IFI16: variants seen among roughly 807,000 people sequenced by gnomAD.
IFI16 encodes the protein gamma-interferon-inducible protein 16.
In IFI16, 49 loss-of-function variants were observed where a neutral mutation model predicts 68.4. The observed-to-expected ratio is 0.72, with a 90% CI of 0.57 to 0.91. The LOEUF is 0.91. Among genes scored for constraint, IFI16 ranks in the 40% least tolerant of loss-of-function variants. The probability of loss-of-function intolerance (pLI) is 0.00; values close to 1 mark genes in which losing one functional copy is unlikely to be tolerated. For missense variants in IFI16, 878 were observed against 942.9 expected (o/e 0.93, Z 0.90); for synonymous variants, 307 against 315.0 (o/e 0.97, Z 0.27).
At chr1:159,037,075 A>T (rs1421753612) in intron 7 of IFI16, among the ~76,000 whole-genome samples, 1 of 152,216 alleles carries the variant, frequency 6.6e-6, no homozygotes, top group Admixed American at 6.5e-5. Flanking sequence ...TGAAGTCATT[A>T]TCTGCTCTGA....
upstream of IFI16, among the ~76,000 whole-genome samples, chr1:159,005,244 C>G (rs1208101388): frequency 6.6e-6 from 1 of 152,162 alleles, no homozygotes; most frequent in Non-Finnish European, 1.5e-5. Context: ...CTATAGTATT[C>G]CATTACAGCA....
chr1:159,007,569 G>A (rs1024694669), upstream of IFI16, among the ~76,000 whole-genome samples: 1 of 151,838 alleles, frequency 6.6e-6, no homozygotes, highest in Non-Finnish European at 1.5e-5. Context: ...ACTGGATTAT[G>A]TTATCTAAAT....
In IFI16 at chr1:159,032,498, A is replaced by C. The variant is rs761059377; in HGVS notation, c.1162-26A>C. 6.4e-5 allele frequency: 94 copies of C among 1,475,086 alleles called. No homozygotes were observed. In the Middle Eastern group the frequency reaches 7.1e-4, roughly 11 times the overall value. 91.4% of individuals were successfully genotyped at this position (1,475,086 alleles called of 1,614,324 possible). The stretch of plus-strand genomic sequence containing the variant: ...TGTGCTTCCTCTAATATTGAAAACC[A>C]TTAAACAGAAAATGAATACTTTCAG... On this transcript the variant is annotated intron_variant, in intron 6 of 11. Transcript: ENST00000295809.
chr1:159,019,347 G>A (rs10908699), intron 5 of IFI16, among the ~76,000 whole-genome samples: 4 of 151,412 alleles, frequency 2.6e-5, no homozygotes, highest in East Asian at 1.9e-4. Flanking sequence ...ATTCCACCCC[G>A]CAAAAAAGCA....
upstream of IFI16, among the ~76,000 whole-genome samples, chr1:159,007,056 G>A (rs959409049): frequency 2.0e-5 from 3 of 152,110 alleles, no homozygotes; most frequent in Non-Finnish European, 4.4e-5. Context: ...AAGTATTGGG[G>A]AAAAGGAAAC....
chr1:159,049,358 A>T, intron 8 of IFI16, 74 bp from the exon 9 acceptor site: 8 of 752,294 alleles, frequency 1.1e-5, no homozygotes, highest in Non-Finnish European at 1.7e-5. Context: ...AAAAGAAAAA[A>T]GGAAAAGATG....
Position 159,044,674 on chromosome 1 carries a change from G to A in IFI16, c.1330-623G>A, listed in dbSNP as rs543379936. ...TATTCCCCAATTTTACTTGAAAAAT[G>A]TATAAAAATATAGCTAATGGGAATG... On this transcript the variant is annotated intron_variant, in intron 7 of 11. Coordinates refer to ENST00000295809, the MANE Select transcript of IFI16 (RefSeq NM_001376587.1). Among the ~76,000 whole-genome samples the A allele has an allele frequency of 1.9e-4, 29 of 152,272 alleles. 1 individual carries two copies. The South Asian group carries it at 5.8e-3, about 30-fold the overall frequency.
At chr1:159,044,575 G>A (rs933590382) in intron 7 of IFI16, among the ~76,000 whole-genome samples, 1 of 152,072 alleles carries the variant, frequency 6.6e-6, no homozygotes, top group Non-Finnish European at 1.5e-5. Context: ...GTGCCACATT[G>A]GCCAAATAGG....
chr1:159,007,404 G>GA (rs1414875185), upstream of IFI16, among the ~76,000 whole-genome samples: 5 of 152,030 alleles, frequency 3.3e-5, no homozygotes, highest in African/African-American at 1.2e-4. Flanking sequence ...TTTTGCTAAA[G>GA]AAAAAAATAT....
chr1:159,014,964 C>T lies in IFI16; in HGVS notation c.265+19C>T, dbSNP rs777813376. 2.5e-6 allele frequency: 4 copies of T among 1,582,782 alleles called. No individual in the cohort carries two copies. The highest frequency in any genetic ancestry group is 1.4e-5 in the African/African-American group (1 of 73,492). ...TTAAAAGGTAATTGGGAAGAGGGAA[C>T]ACCCACTCCCTGCAACCATCCCCAA... is the stretch of plus-strand genomic sequence containing the variant. On this transcript the variant is annotated intron_variant, in intron 2 of 11. Coordinates refer to ENST00000295809, the MANE Select transcript of IFI16 (RefSeq NM_001376587.1).
chr1:159,037,858 A>G (rs1474801833), intron 7 of IFI16, among the ~76,000 whole-genome samples: 1 of 152,194 alleles, frequency 6.6e-6, no homozygotes, highest in Non-Finnish European at 1.5e-5. Context: ...TAGGGCAGAC[A>G]TTAAAAAAAA....
chr1:159,008,569 G>C (rs1457809612), upstream of IFI16, among the ~76,000 whole-genome samples: 1 of 152,140 alleles, frequency 6.6e-6, no homozygotes, highest in Non-Finnish European at 1.5e-5. Context: ...GTTCTGAAGG[G>C]TCATAACTTC....
At chr1:159,044,246 G>A (rs893315486) in intron 7 of IFI16, among the ~76,000 whole-genome samples, 1 of 152,146 alleles carries the variant, frequency 6.6e-6, no homozygotes, top group Admixed American at 6.5e-5. Context: ...TAGTATTAGA[G>A]TCAGGATTCA....
chr1:159,016,705 A>T lies in IFI16; in HGVS notation c.549+5A>T. ...CCCAACAGTTCTTCAACTGAGGTACACTCTTCCTGGTCCCATTTTGCTTTG... is the reference window on the plus strand; with the variant it reads ...CCCAACAGTTCTTCAACTGAGGTACTCTCTTCCTGGTCCCATTTTGCTTTG... On this transcript the variant is annotated splice_donor_5th_base_variant and intron_variant, in intron 4 of 11. Transcript: ENST00000295809. 6.2e-7 allele frequency: 1 copy of T among 1,609,044 alleles called. No homozygotes were observed. Among genetic ancestry groups the T allele is most frequent in the Non-Finnish European group, 8.5e-7 (1 of 1,177,806 alleles).
At chr1:159,053,800 A>G (rs1320669293) in intron 11 of IFI16, 76 bp downstream of exon 11, 11 of 1,106,952 alleles carry the variant, frequency 9.9e-6, no homozygotes, top group South Asian at 2.8e-5. Context: ...CTAGACTGCT[A>G]CTATTACAGA....
intron 3 of IFI16, 101 bp from the exon 4 acceptor site, chr1:159,016,432 A>G (rs1476760171): frequency 2.7e-6 from 3 of 1,121,158 alleles, no homozygotes; most frequent in East Asian, 2.6e-5. Context: ...TTTCCAAGAA[A>G]CATCTTCTTA....
intron 3 of IFI16, 39 bp downstream of exon 3, chr1:159,016,026 G>A (rs1257259379): frequency 6.8e-6 from 9 of 1,326,892 alleles, no homozygotes; most frequent in South Asian, 1.2e-5. Context: ...AAGTCCCACA[G>A]AGGAAGCTCT....
At chr1:159,034,262 AAGTAAAATGTATGTGAT>A (rs962867056) in intron 7 of IFI16, among the ~76,000 whole-genome samples, 1 of 152,196 alleles carries the variant, frequency 6.6e-6, no homozygotes, top group Non-Finnish European at 1.5e-5. Context: ...TAATTTAATC[AAGTAAAATGTATGTGAT>A]TAAATTTCTC....
chr1:159,015,743 T>A, intron 2 of IFI16, 129 bp from the exon 3 acceptor site: 1 of 675,698 alleles, frequency 1.5e-6, no homozygotes, highest in Non-Finnish European at 2.6e-6. Context: ...AGAGCTAGAC[T>A]AAAGCACAGC....
Sources: allele counts gnomAD v4.1 joint callset (sites outside exome capture counted in the v4.1 genomes callset), GRCh38; gene constraint gnomAD v4.1.1; transcripts MANE v1.5; gene names NCBI Gene and HGNC (gene_info 2026-07-23, HGNC 2026-07-21).